Variants in LYPD6B observed in about 807,000 individuals in gnomAD.
LYPD6B encodes the protein ly6/PLAUR domain-containing protein 6B.
Under a neutral mutation model 22.8 loss-of-function variants are expected in LYPD6B, and 17 were observed. That is an observed-to-expected ratio of 0.75 (90% CI 0.51 to 1.12). The LOEUF is 1.12. Ranked by LOEUF, LYPD6B falls within the 50% of genes most tolerant of loss-of-function variation. The probability of loss-of-function intolerance (pLI) is 0.00; values close to 1 mark genes in which losing one functional copy is unlikely to be tolerated. For missense variants in LYPD6B, 221 were observed against 258.3 expected (o/e 0.86, Z 0.99); for synonymous variants, 106 against 91.6 (o/e 1.16, Z -0.90).
intron 1 of LYPD6B, among the ~76,000 whole-genome samples, chr2:149,055,091 A>G (rs1001355059): frequency 3.9e-5 from 6 of 152,118 alleles, no homozygotes; most frequent in African/African-American, 1.4e-4. Flanking sequence ...AGGAGTCCAC[A>G]TTTATTCTGT....
intron 1 of LYPD6B, among the ~76,000 whole-genome samples, chr2:149,045,984 G>A (rs1321298797): frequency 5.9e-5 from 9 of 152,140 alleles, no homozygotes; most frequent in African/African-American, 1.9e-4. Context: ...AGAGAGGAAT[G>A]TTAGCATTTC....
chr2:149,118,691 A>G (rs927027119), intron 1 of LYPD6B, among the ~76,000 whole-genome samples: 4 of 152,202 alleles, frequency 2.6e-5, no homozygotes, highest in Non-Finnish European at 5.9e-5. Flanking sequence ...GACCTTTTAC[A>G]TAAGTGATAT....
intron 2 of LYPD6B, among the ~76,000 whole-genome samples, chr2:149,149,122 C>A (rs1054098902): frequency 1.3e-5 from 2 of 152,144 alleles, no homozygotes; most frequent in South Asian, 4.1e-4. Flanking sequence ...TTTGGAGTTA[C>A]GCAAGAATGA....
chr2:149,085,817 G>T (rs1685362358), intron 1 of LYPD6B, among the ~76,000 whole-genome samples: 1 of 152,156 alleles, frequency 6.6e-6, no homozygotes, highest in African/African-American at 2.4e-5. Context: ...TGTGTGATTT[G>T]AAGCGTTATC....
At position 149,200,291 on chromosome 2, in the gene LYPD6B, T is replaced by C. The variant is rs111873698; in HGVS notation, c.78-4962T>C. Among the ~76,000 whole-genome samples, 61 of 152,346 alleles carry C rather than the reference T, an allele frequency of 4.0e-4. 1 individual carries two copies. Among genetic ancestry groups the C allele is most frequent in the African/African-American group, 1.3e-3 (53 of 41,584 alleles). ...CTTGCTGACTCATTTTTAGCAATTG[T>C]GCAAGAAATGGCAGCATTTGCCACC... On this transcript the variant is annotated intron_variant, in intron 3 of 6. Transcript: ENST00000409642.
At chr2:149,161,354 A>AAG (rs1690055247) in intron 3 of LYPD6B, 1 of 158,204 alleles carries the variant, frequency 6.3e-6, no homozygotes, top group Admixed American at 6.1e-5. Flanking sequence ...CCCAACAAAG[A>AAG]AGAGAGACAG....
intron 3 of LYPD6B, among the ~76,000 whole-genome samples, chr2:149,171,696 AT>A (rs1346835113): frequency 6.6e-6 from 1 of 152,128 alleles, no homozygotes; most frequent in Non-Finnish European, 1.5e-5. Context: ...TAAGAAAAAC[AT>A]TTTTTCAATG....
intron 1 of LYPD6B, among the ~76,000 whole-genome samples, chr2:149,097,719 A>G (rs976287773): frequency 1.3e-5 from 2 of 152,224 alleles, no homozygotes; most frequent in African/African-American, 2.4e-5. Context: ...TTTGGATTCG[A>G]TATTATCAGA....
chr2:149,084,344 T>C (rs1418955306), intron 1 of LYPD6B, among the ~76,000 whole-genome samples: 1 of 152,196 alleles, frequency 6.6e-6, no homozygotes, highest in African/African-American at 2.4e-5. Flanking sequence ...TTTTCCTCAC[T>C]CATCCTTTTT....
intron 1 of LYPD6B, among the ~76,000 whole-genome samples, chr2:149,108,647 G>A (rs1451451397): frequency 3.3e-5 from 5 of 152,130 alleles, no homozygotes; most frequent in African/African-American, 7.2e-5. Context: ...TTAGTTAGCT[G>A]ACAACTTTTG....
intron 2 of LYPD6B, among the ~76,000 whole-genome samples, chr2:149,142,984 A>G (rs937634497): frequency 1.1e-4 from 17 of 152,228 alleles, no homozygotes; most frequent in African/African-American, 1.9e-4. Flanking sequence ...AAGAGTTCAC[A>G]TATACCCCAC....
At position 149,184,293 on chromosome 2, in the gene LYPD6B, A is replaced by T. The variant is rs564938046; in HGVS notation, c.78-20960A>T. Among the ~76,000 whole-genome samples the T allele has an allele frequency of 3.6e-4, 55 of 152,322 alleles. 1 individual carries two copies. Among genetic ancestry groups the T allele is most frequent in the Admixed American group, 3.5e-3 (53 of 15,294 alleles). ...ACATGGCTTTTCTAATCCAGTGTGC[A>T]ACATAATTACTTACATGTAAGGAAG... On this transcript the variant is annotated intron_variant, in intron 3 of 6. Coordinates refer to ENST00000409642, the MANE Select transcript of LYPD6B (RefSeq NM_177964.5).
rs1694099955 is a variant in LYPD6B at position 149,214,989 on chromosome 2, A to G, written c.*279A>G. 1 of 433,998 alleles carries G rather than the reference A, an allele frequency of 2.3e-6. No individual in the cohort carries two copies. The highest frequency in any genetic ancestry group is 4.2e-6 in the Non-Finnish European group (1 of 238,202). The allele number at this position is 433,998 out of a possible 1,614,324, so 26.9% of individuals were successfully genotyped here. A position where few individuals can be genotyped will look rare whatever the true frequency, so the allele number is the denominator to read the frequency against. ...GCAGTTCTGCAGAGAGGATCCTGGC[A>G]ACTAGTCCCACCTGACTAGGCCTTT... On this transcript the variant is annotated 3_prime_UTR_variant, in exon 7 of 7. Transcript: ENST00000409642.
intron 2 of LYPD6B, among the ~76,000 whole-genome samples, chr2:149,147,906 C>CTGTGTGTGTG (rs61441741): frequency 0.066 from 9,152 of 139,026 alleles, 911 homozygotes; most frequent in African/African-American, 0.21. Context: ...GCACATGGGC[C>CTGTGTGTGTG]TGTGTGTGTG....
At chr2:149,110,341 A>G (rs550605101) in intron 1 of LYPD6B, among the ~76,000 whole-genome samples, 12 of 151,540 alleles carry the variant, frequency 7.9e-5, no homozygotes, top group Non-Finnish European at 1.5e-4. Context: ...TTATGGTTGC[A>G]TTTTTCTGCT....
chr2:149,144,314 C>CTT (rs5835279), intron 2 of LYPD6B, among the ~76,000 whole-genome samples: 1 of 151,946 alleles, frequency 6.6e-6, no homozygotes, highest in Admixed American at 6.5e-5. Context: ...TGGGCACTGA[C>CTT]TTTTTTGGCA....
chr2:149,137,563 T>C (rs1688443829), intron 2 of LYPD6B, among the ~76,000 whole-genome samples: 1 of 152,242 alleles, frequency 6.6e-6, no homozygotes, highest in Non-Finnish European at 1.5e-5. Context: ...TTTTATGTGA[T>C]ACAACTCATG....
intron 3 of LYPD6B, among the ~76,000 whole-genome samples, chr2:149,162,519 T>A (rs1049307326): frequency 7.9e-5 from 12 of 152,120 alleles, no homozygotes; most frequent in African/African-American, 2.7e-4. Flanking sequence ...CTGCTTGCAT[T>A]CCCTTTTGTC....
intron 3 of LYPD6B, among the ~76,000 whole-genome samples, chr2:149,203,383 C>T (rs72983293): frequency 2.0e-4 from 31 of 152,126 alleles, no homozygotes; most frequent in Admixed American, 1.8e-3. Context: ...TAGTCTCCCC[C>T]ACACAAAGGG....
Sources: gnomAD v4.1 joint callset for allele counts (sites outside exome capture counted in the v4.1 genomes callset) on GRCh38, gnomAD v4.1.1 for gene constraint, MANE v1.5 for transcripts, NCBI Gene and HGNC (gene_info 2026-07-23, HGNC 2026-07-21) for gene names.